The following EPB41L4A variants were observed in gnomAD, a reference collection of about 807,000 sequenced individuals.
EPB41L4A encodes erythrocyte membrane protein band 4.1 like 4A, also known as band 4.1-like protein 4A.
Under a neutral mutation model 108.6 loss-of-function variants are expected in EPB41L4A, and 100 were observed. That is an observed-to-expected ratio of 0.92 (90% confidence interval 0.78 to 1.09). The LOEUF is 1.09. EPB41L4A is among the 50% of genes least tolerant of loss of function. The pLI is 0.00. For synonymous variants in EPB41L4A, 319 were observed against 289.0 expected, an observed-to-expected ratio of 1.10 and a Z score of -1.05; for missense variants, 1,030 against 842.7, an observed-to-expected ratio of 1.22 and a Z score of -2.75.
At chr5:112,347,923 A>G (rs1757790623) in intron 1 of EPB41L4A, among the ~76,000 whole-genome samples, 1 of 152,106 alleles carries the variant, frequency 6.6e-6, no homozygotes, top group South Asian at 2.1e-4. Flanking sequence ...TCCTCCCAGG[A>G]CCCAATCCTC....
intron 1 of EPB41L4A, among the ~76,000 whole-genome samples, chr5:112,343,491 G>T (rs559784926): frequency 1.3e-5 from 2 of 152,112 alleles, no homozygotes; most frequent in East Asian, 3.9e-4. Context: ...AAAGTACTTA[G>T]CGAGTTCCCA....
chr5:112,314,104 C>T (rs1332469819), intron 1 of EPB41L4A, among the ~76,000 whole-genome samples: 2 of 151,774 alleles, frequency 1.3e-5, no homozygotes, highest in African/African-American at 4.8e-5. Flanking sequence ...GTGATCTGCC[C>T]GTCTCAGCCT....
intron 4 of EPB41L4A, among the ~76,000 whole-genome samples, chr5:112,270,527 C>G (rs889106612): frequency 2.0e-5 from 3 of 152,172 alleles, no homozygotes; most frequent in Non-Finnish European, 4.4e-5. Flanking sequence ...AAAATCATAA[C>G]TCTTTAACCT....
intron 13 of EPB41L4A, among the ~76,000 whole-genome samples, chr5:112,208,786 G>C (rs1580435814): frequency 6.6e-6 from 1 of 152,204 alleles, no homozygotes; most frequent in African/African-American, 2.4e-5. Context: ...TTCTAAAAAA[G>C]CGTGGGATCT....
intron 1 of EPB41L4A, among the ~76,000 whole-genome samples, chr5:112,350,575 C>T (rs1015176648): frequency 3.3e-5 from 5 of 152,194 alleles, no homozygotes; most frequent in South Asian, 2.1e-4. Flanking sequence ...GAAGTTACTC[C>T]TTCCATCCAA....
downstream of EPB41L4A, chr5:112,161,086 GGGGAGC>G (rs1759868173): frequency 6.3e-6 from 1 of 158,878 alleles, no homozygotes; most frequent in Admixed American, 6.5e-5. Context: ...GTTTGGAAAC[GGGGAGC>G]TTCGTCGATT....
intron 12 of EPB41L4A, among the ~76,000 whole-genome samples, chr5:112,224,274 G>C (rs1242692664): frequency 2.6e-5 from 4 of 152,184 alleles, no homozygotes; most frequent in African/African-American, 9.6e-5. Context: ...GAATTGGCTA[G>C]AAGGTTTTTC....
chr5:112,405,320 C>T (rs933998550), intron 1 of EPB41L4A, among the ~76,000 whole-genome samples: 2 of 152,198 alleles, frequency 1.3e-5, no homozygotes, highest in African/African-American at 2.4e-5. Context: ...TCAGCCACAA[C>T]TTGAGTGCAA....
chr5:112,255,690 A>T (rs1467521412), intron 9 of EPB41L4A, among the ~76,000 whole-genome samples: 1 of 151,976 alleles, frequency 6.6e-6, no homozygotes, highest in African/African-American at 2.4e-5. Flanking sequence ...TCATTCTCCT[A>T]GTGATTTCAG....
intron 1 of EPB41L4A, among the ~76,000 whole-genome samples, chr5:112,411,946 C>A (rs1171649667): frequency 6.6e-6 from 1 of 152,218 alleles, no homozygotes; most frequent in African/African-American, 2.4e-5. Flanking sequence ...AGCTCAGCAA[C>A]CTGACCCTCA....
At chr5:112,267,415 C>A (rs1751940666) in intron 4 of EPB41L4A, among the ~76,000 whole-genome samples, 1 of 152,230 alleles carries the variant, frequency 6.6e-6, no homozygotes, top group African/African-American at 2.4e-5. Flanking sequence ...TCAGACACCA[C>A]ATTGATTATT....
intron 1 of EPB41L4A, among the ~76,000 whole-genome samples, chr5:112,330,253 G>C (rs566237515): frequency 1.3e-5 from 2 of 151,982 alleles, no homozygotes; most frequent in East Asian, 2.0e-4. Context: ...CCTGGGATTA[G>C]AGTTGTATTG....
chr5:112,228,388 C>T (rs1025557080), intron 12 of EPB41L4A: 2 of 152,242 alleles, frequency 1.3e-5, no homozygotes, highest in Admixed American at 1.3e-4. Flanking sequence ...GTGCACAAAC[C>T]ATCCTCTCAG....
In EPB41L4A at chr5:112,194,624, G is replaced by C; in HGVS notation, c.1446C>G (p.Thr482=). Residue 482 remains threonine (T), a synonymous_variant, in exon 17 of 23, where the codon ACC becomes ACG. Transcript: ENST00000261486. The part of the protein sequence containing the change: ...QRRRSRSRCN[T]SSGSESENSN... ...AATTTTCTGATTCACTACCACTGCT[G>C]GTGTTACAGCGTGAACGTGACCTGA... is the stretch of plus-strand genomic sequence containing the variant. The C allele has an allele frequency of 1.2e-6, 2 of 1,605,740 alleles. No individual in the cohort carries two copies. The highest frequency in any genetic ancestry group is 1.7e-6 in the Non-Finnish European group (2 of 1,176,068).
chr5:112,412,265 AC>A (rs1762457057), intron 1 of EPB41L4A, among the ~76,000 whole-genome samples: 1 of 152,152 alleles, frequency 6.6e-6, no homozygotes, highest in Non-Finnish European at 1.5e-5. Flanking sequence ...GTGCTGGAAA[AC>A]AAACTTCTCA....
At chr5:112,352,686 T>C (rs1758121477) in intron 1 of EPB41L4A, among the ~76,000 whole-genome samples, 1 of 152,236 alleles carries the variant, frequency 6.6e-6, no homozygotes, top group African/African-American at 2.4e-5. Flanking sequence ...CTTATTATTA[T>C]CACAGTTTGG....
chr5:112,389,222 T>C lies in EPB41L4A; in HGVS notation c.99+29719A>G, dbSNP rs187152281. On this transcript the variant is annotated intron_variant, in intron 1 of 22. Transcript: ENST00000261486. ...TTTACTCCCCTGTATTAGATCTGTA[T>C]TGGCATTTTAAATATTTTTTAATGT... Among the ~76,000 whole-genome samples the C allele has an allele frequency of 2.7e-4, 41 of 152,340 alleles. No homozygotes were observed. In the East Asian group the frequency reaches 6.7e-3, roughly 25 times the overall value.
chr5:112,154,041 A>C (rs1759565547), intron 12 of EPB41L4A, among the ~76,000 whole-genome samples: 1 of 152,234 alleles, frequency 6.6e-6, no homozygotes, highest in South Asian at 2.1e-4. Context: ...AATTGGTAAA[A>C]CATTGAAAAA....
chr5:112,272,138 A>ATTT (rs61119854), intron 4 of EPB41L4A, among the ~76,000 whole-genome samples: 55,690 of 136,364 alleles, frequency 0.41, 12,154 homozygotes, highest in Non-Finnish European at 0.43. Context: ...CATTATTTGT[A>ATTT]TTTTTTTTTT....
Sources: allele counts gnomAD v4.1 joint callset (sites outside exome capture counted in the v4.1 genomes callset), GRCh38; gene constraint gnomAD v4.1.1; transcripts MANE v1.5; gene names NCBI Gene and HGNC (gene_info 2026-07-23, HGNC 2026-07-21).